The following CACNA1D variants were observed in gnomAD, a reference collection of about 807,000 sequenced individuals.
The protein encoded by CACNA1D is calcium voltage-gated channel subunit alpha1 D.
In CACNA1D, 55 loss-of-function variants were observed where a neutral mutation model predicts 257.1. The observed-to-expected ratio is 0.21, with a 90% CI of 0.17 to 0.27. CACNA1D has a LOEUF of 0.27. Among genes scored for constraint, CACNA1D ranks in the 10% least tolerant of loss-of-function variants. The probability of loss-of-function intolerance (pLI) is 1.00; values close to 1 mark genes in which losing one functional copy is unlikely to be tolerated. For missense variants in CACNA1D, 1,876 were observed against 2,784.0 expected (o/e 0.67, Z 7.34); for synonymous variants, 980 against 1,014.9 (o/e 0.97, Z 0.65).
intron 2 of CACNA1D, among the ~76,000 whole-genome samples, chr3:53,500,853 G>C (rs2090570196): frequency 6.6e-6 from 1 of 152,194 alleles, no homozygotes; most frequent in Admixed American, 6.5e-5. Flanking sequence ...ATTGAGAAAT[G>C]TTAAAGCCTA....
intron 3 of CACNA1D, among the ~76,000 whole-genome samples, chr3:53,588,041 T>C (rs980934820): frequency 1.3e-5 from 2 of 152,212 alleles, no homozygotes; most frequent in African/African-American, 4.8e-5. Flanking sequence ...ACACTCATAA[T>C]GGTTTCAAAT....
intron 3 of CACNA1D, among the ~76,000 whole-genome samples, chr3:53,590,328 A>T (rs1332745909): frequency 6.6e-6 from 1 of 152,104 alleles, no homozygotes; most frequent in Non-Finnish European, 1.5e-5. Flanking sequence ...TTCCTAGGGG[A>T]GCCTCCTCTG....
chr3:53,682,223 A>G (rs984428460), intron 8 of CACNA1D, among the ~76,000 whole-genome samples: 2 of 151,978 alleles, frequency 1.3e-5, no homozygotes, highest in African/African-American at 4.8e-5. Context: ...GGATGCAGAG[A>G]TAGGTGATAA....
intron 3 of CACNA1D, among the ~76,000 whole-genome samples, chr3:53,502,273 A>G (rs1004328811): frequency 1.3e-5 from 2 of 152,178 alleles, no homozygotes; most frequent in African/African-American, 4.8e-5. Flanking sequence ...TCCACGTCCT[A>G]TGAAATGCTC....
At chr3:53,693,929 A>G (rs573128527) in intron 8 of CACNA1D, among the ~76,000 whole-genome samples, 3 of 152,360 alleles carry the variant, frequency 2.0e-5, no homozygotes, top group African/African-American at 7.2e-5. Flanking sequence ...AACACAAGAA[A>G]AAAAAATCCT....
At chr3:53,776,181 G>A (rs1404289348) in intron 35 of CACNA1D, 136 bp downstream of exon 35, 4 of 834,172 alleles carry the variant, frequency 4.8e-6, no homozygotes, top group African/African-American at 3.3e-5. Context: ...CCACTTGGCA[G>A]TTGAGGGCTT....
intron 7 of CACNA1D, among the ~76,000 whole-genome samples, chr3:53,672,802 GTGTGTGTGTGTGTGTGTA>G (rs1321173881): frequency 6.7e-6 from 1 of 149,222 alleles, no homozygotes; most frequent in African/African-American, 2.5e-5. Context: ...GTGTGTGTGT[GTGTGTGTGTGTGTGTGTA>G]TGGATGCTTG....
intron 8 of CACNA1D, among the ~76,000 whole-genome samples, chr3:53,688,283 G>A (rs942406501): frequency 1.3e-5 from 2 of 152,212 alleles, no homozygotes; most frequent in African/African-American, 2.4e-5. Context: ...GGTCTCTGCT[G>A]GCTGAGGGAT....
chr3:53,768,889 T>TA (rs1349158098), intron 30 of CACNA1D, among the ~76,000 whole-genome samples: 3 of 152,138 alleles, frequency 2.0e-5, no homozygotes, highest in Non-Finnish European at 2.9e-5. Context: ...ACATGTCCCT[T>TA]AACTTTGCAG....
chr3:53,661,647 G>C (rs1265625744), intron 5 of CACNA1D, among the ~76,000 whole-genome samples: 1 of 152,184 alleles, frequency 6.6e-6, no homozygotes, highest in African/African-American at 2.4e-5. Context: ...GCCTGTCTAT[G>C]GTATGTGTTG....
intron 39 of CACNA1D, among the ~76,000 whole-genome samples, chr3:53,784,985 G>C (rs1382933743): frequency 1.3e-5 from 2 of 152,176 alleles, no homozygotes; most frequent in Admixed American, 1.3e-4. Flanking sequence ...TCTGTTGGAG[G>C]GGGTGGTGGT....
At chr3:53,642,016 C>T (rs988472266) in intron 3 of CACNA1D, among the ~76,000 whole-genome samples, 1 of 152,120 alleles carries the variant, frequency 6.6e-6, no homozygotes, top group Non-Finnish European at 1.5e-5. Flanking sequence ...TTGCAGGTGA[C>T]AAAAACTGAA....
chr3:53,560,814 A>C (rs2092724212), intron 3 of CACNA1D, among the ~76,000 whole-genome samples: 1 of 152,220 alleles, frequency 6.6e-6, no homozygotes, highest in African/African-American at 2.4e-5. Context: ...CCATGGGCCA[A>C]AATTTACTGA....
rs538820086 is a variant in CACNA1D at position 53,751,009 on chromosome 3, C to T, written c.3517-740C>T. 1.3e-5 allele frequency among the ~76,000 whole-genome samples: 2 copies of T among 151,022 alleles called. No homozygotes were observed. Among genetic ancestry groups the T allele is most frequent in the South Asian group, 4.2e-4 (2 of 4,810 alleles). On this transcript the variant is annotated intron_variant, in intron 27 of 47. Coordinates refer to ENST00000350061, the MANE Select transcript of CACNA1D (RefSeq NM_001128840.3). The surrounding 1 kb of genome is among the most constrained non-coding windows in gnomAD (Gnocchi z 4.3). ...AGTGCTCCAGCTGGGCCCTAAACTG[C>T]GTCCAATCAATCCAGCTGTCGCTAC...
intron 3 of CACNA1D, among the ~76,000 whole-genome samples, chr3:53,608,112 A>C (rs1318410512): frequency 1.3e-5 from 2 of 152,216 alleles, no homozygotes; most frequent in Non-Finnish European, 2.9e-5. Flanking sequence ...TTTAATATCA[A>C]GTCTTCTGTC....
intron 40 of CACNA1D, among the ~76,000 whole-genome samples, chr3:53,787,264 C>T (rs1488889870): frequency 6.6e-6 from 1 of 152,206 alleles, no homozygotes; most frequent in Non-Finnish European, 1.5e-5. Flanking sequence ...CAGGCACCCA[C>T]CTTCCCCACA....
At chr3:53,689,906 T>C (rs914774081) in intron 8 of CACNA1D, among the ~76,000 whole-genome samples, 12 of 152,300 alleles carry the variant, frequency 7.9e-5, no homozygotes, top group African/African-American at 2.9e-4. Context: ...GCTATCCTCC[T>C]GCCTTGGCTT....
At chr3:53,701,534 C>T (rs1265709579) in intron 8 of CACNA1D, among the ~76,000 whole-genome samples, 1 of 152,178 alleles carries the variant, frequency 6.6e-6, no homozygotes, top group East Asian at 1.9e-4. Context: ...AAGAGACATG[C>T]TGGCTTTGAC....
At chr3:53,573,383 GC>G (rs1353915311) in intron 3 of CACNA1D, among the ~76,000 whole-genome samples, 1 of 152,126 alleles carries the variant, frequency 6.6e-6, no homozygotes, top group Non-Finnish European at 1.5e-5. Flanking sequence ...GGCTTGCTGT[GC>G]CCTGGGGCCT....
Sources: allele counts gnomAD v4.1 joint callset (sites outside exome capture counted in the v4.1 genomes callset), GRCh38; gene constraint gnomAD v4.1.1; non-coding constraint Gnocchi (gnomAD v3.1); transcripts MANE v1.5; gene names NCBI Gene and HGNC (gene_info 2026-07-23, HGNC 2026-07-21).